DNAJC16: variants seen among roughly 807,000 people sequenced by gnomAD.
The protein encoded by DNAJC16 is DnaJ heat shock protein family (Hsp40) member C16.
DNAJC16 carries 76 observed loss-of-function variants against 92.7 expected under a neutral mutation model. The observed-to-expected ratio is 0.82, with a 90% CI of 0.68 to 0.99. The LOEUF is 0.99. Ranked by LOEUF, DNAJC16 falls within the 50% of genes least tolerant of loss-of-function variation. DNAJC16 has a pLI of 0.00. For synonymous variants in DNAJC16, 328 were observed against 358.7 expected, an observed-to-expected ratio of 0.91 and a Z score of 0.97; for missense variants, 869 against 942.4, an observed-to-expected ratio of 0.92 and a Z score of 1.02.
At chr1:15,548,210 A>T in intron 6 of DNAJC16, 60 bp from the exon 7 acceptor site, 1 of 1,566,952 alleles carries the variant, frequency 6.4e-7, no homozygotes, top group Non-Finnish European at 8.7e-7. Context: ...GCCCTACTTG[A>T]TTTGTCATTT....
intron 3 of DNAJC16, among the ~76,000 whole-genome samples, chr1:15,535,339 C>A (rs771417756): frequency 8.6e-4 from 131 of 152,322 alleles, no homozygotes; most frequent in Non-Finnish European, 1.4e-3. Flanking sequence ...AGTTTGAAAT[C>A]TTTAATGCCA....
At position 15,569,012 on chromosome 1, in the gene DNAJC16, G is replaced by A. The variant is rs185473068; in HGVS notation, c.*835G>A. The A allele has an allele frequency of 0.013, 3,322 of 264,718 alleles. 21 individuals are homozygous for A. Among genetic ancestry groups the A allele is most frequent in the Non-Finnish European group, 0.018 (2,554 of 141,172 alleles). The allele number at this position is 264,718 out of a possible 1,614,324, so 16.4% of individuals were successfully genotyped here. A position where few individuals can be genotyped will look rare whatever the true frequency, so the allele number is the denominator to read the frequency against. ...CCTTTCTGCCTCTGTCGATTTTAGG[G>A]TATGGATATTAGGAGCCATAACTTG... On this transcript the variant is annotated 3_prime_UTR_variant, in exon 15 of 15. Transcript: ENST00000375847.
rs1167360277 is a variant in DNAJC16, at chr1:15,526,915, CTG to C, written c.-61_-60del. ...GGAAGCTCCCGGCCCGGCGAACTAA[CTG>C]GAGCACGGAGCTGCAGCCGGTTGGG... On this transcript the variant is annotated 5_prime_UTR_variant, in exon 1 of 15. Transcript: ENST00000375847. 1 of 152,402 alleles carries C rather than the reference CTG, an allele frequency of 6.6e-6. No individual in the cohort carries two copies. Among genetic ancestry groups the C allele is most frequent in the East Asian group, 1.9e-4 (1 of 5,210 alleles). The allele number at this position is 152,402 out of a possible 1,614,324, so 9.4% of individuals were successfully genotyped here.
intron 1 of DNAJC16, 50 bp from the exon 2 acceptor site, chr1:15,529,038 A>ACTG (rs1225635199): frequency 6.5e-7 from 1 of 1,541,436 alleles, no homozygotes; most frequent in Non-Finnish European, 8.9e-7. Context: ...AAAAAGCAAG[A>ACTG]CTGTCCAGGT....
intron 2 of DNAJC16, among the ~76,000 whole-genome samples, 169 bp downstream of exon 2, chr1:15,529,441 C>T (rs754756111): frequency 6.6e-5 from 10 of 152,006 alleles, no homozygotes; most frequent in Non-Finnish European, 8.8e-5. Context: ...TAATTGTTAG[C>T]GATAAGATCC....
chr1:15,558,374 A>G (rs907343837), intron 7 of DNAJC16, among the ~76,000 whole-genome samples: 13 of 151,232 alleles, frequency 8.6e-5, no homozygotes, highest in Middle Eastern at 3.2e-3. Context: ...TTTAGTAGAG[A>G]CAAGATCTCA....
intron 4 of DNAJC16, among the ~76,000 whole-genome samples, chr1:15,537,766 A>T (rs945271907): frequency 2.0e-5 from 3 of 152,200 alleles, no homozygotes; most frequent in African/African-American, 7.2e-5. Flanking sequence ...CAGGTGAGGG[A>T]ACTAAGGCAT....
intron 6 of DNAJC16, among the ~76,000 whole-genome samples, chr1:15,547,207 C>A (rs1270494755): frequency 1.4e-5 from 2 of 145,930 alleles, no homozygotes; most frequent in African/African-American, 5.1e-5. Flanking sequence ...TGCAGTGGCG[C>A]GATCTCCTCG....
At chr1:15,553,911 G>A (rs536727417) in intron 7 of DNAJC16, among the ~76,000 whole-genome samples, 1 of 152,044 alleles carries the variant, frequency 6.6e-6, no homozygotes, top group East Asian at 1.9e-4. Flanking sequence ...TCTTGTTGTT[G>A]AAAATTGCAT....
At chr1:15,549,932 G>A (rs1638404888) in intron 7 of DNAJC16, among the ~76,000 whole-genome samples, 1 of 151,804 alleles carries the variant, frequency 6.6e-6, no homozygotes, top group Admixed American at 6.6e-5. Context: ...TTAATCTCTT[G>A]CTGTGCCTAA....
rs1429961536 is a variant in DNAJC16, at chr1:15,563,679, A to T, written c.1339-250A>T. On this transcript the variant is annotated intron_variant, in intron 9 of 14. Transcript: ENST00000375847. ...CATCTCTACTAAAAAAAAAAAAAAAAAAAAAAAAAAATACCAAAAATTAGC... is the reference window on the plus strand; with the variant it reads ...CATCTCTACTAAAAAAAAAAAAAAATAAAAAAAAAAATACCAAAAATTAGC... Among the ~76,000 whole-genome samples the T allele has an allele frequency of 3.5e-4, 53 of 149,844 alleles. 2 individuals are homozygous for T. Among genetic ancestry groups the T allele is most frequent in the African/African-American group, 1.3e-3 (52 of 40,800 alleles).
chr1:15,552,831 G>A (rs1638478790), intron 7 of DNAJC16, among the ~76,000 whole-genome samples: 1 of 149,466 alleles, frequency 6.7e-6, no homozygotes, highest in Non-Finnish European at 1.5e-5. Flanking sequence ...GCAGTGGTGA[G>A]ATCTCGACTC....
rs969858659 is a variant in DNAJC16 at position 15,551,902 on chromosome 1, G to A, written c.1023+3474G>A. Among the ~76,000 whole-genome samples the A allele has an allele frequency of 2.0e-5, 3 of 151,892 alleles. No individual in the cohort carries two copies. In the East Asian group the frequency reaches 5.8e-4, roughly 29 times the overall value. ...ACAAAAAAGCCGGGTGTGGTGGCAT[G>A]CACCTGTAATCCCAGCTACCCGGGA... On this transcript the variant is annotated intron_variant, in intron 7 of 14. Coordinates refer to ENST00000375847, the MANE Select transcript of DNAJC16 (RefSeq NM_015291.4).
At position 15,562,143 on chromosome 1, in the gene DNAJC16, T is replaced by G. The variant is rs771959551; in HGVS notation, c.1156T>G (p.Tyr386Asp). The part of the protein sequence containing the change: ...PVKRSHRQRK[Y>D]CVVLLTAETT... ...AAGTTTTGTCTTTTTGTTGTGCAGG[T>G]ACTGTGTGGTTTTATTGACTGCTGA... The change falls in exon 9 of 15, where the codon TAC becomes GAC. Residue 386 changes from tyrosine (Y) to aspartate (D), a missense_variant and splice_region_variant. Transcript: ENST00000375847. 5 of 1,613,456 alleles carry G rather than the reference T, an allele frequency of 3.1e-6. No homozygotes were observed. Among genetic ancestry groups the G allele is most frequent in the Non-Finnish European group, 4.2e-6 (5 of 1,179,526 alleles).
Position 15,564,309 on chromosome 1 carries a change from T to C in DNAJC16, c.1548T>C (p.Ser516=). Residue 516 remains serine (S), a synonymous_variant, in exon 11 of 15, where the codon TCT becomes TCC. Transcript: ENST00000375847. ...APVFLLRWFY[S]ASDYISDCWD... is the part of the protein sequence containing the mutation. The stretch of plus-strand genomic sequence containing the variant: ...TTTTTCTCCTTCGATGGTTCTACTC[T>C]GCTTCTGACTACATCTCAGACTGCT... 1 of 1,610,992 alleles carries C rather than the reference T, an allele frequency of 6.2e-7. No individual in the cohort carries two copies. Among genetic ancestry groups the C allele is most frequent in the Non-Finnish European group, 8.5e-7 (1 of 1,177,052 alleles).
intron 2 of DNAJC16, among the ~76,000 whole-genome samples, chr1:15,532,062 T>G (rs4661641): frequency 6.6e-6 from 1 of 152,024 alleles, no homozygotes; most frequent in African/African-American, 2.4e-5. Flanking sequence ...AACTATGTTT[T>G]TCTCCCAATA....
At chr1:15,547,828 G>A (rs1397104880) in intron 6 of DNAJC16, among the ~76,000 whole-genome samples, 2 of 152,040 alleles carry the variant, frequency 1.3e-5, no homozygotes, top group African/African-American at 2.4e-5. Flanking sequence ...TGGTGAGCGC[G>A]ATTCCCACTG....
At chr1:15,563,180 T>C (rs192320217) in intron 9 of DNAJC16, among the ~76,000 whole-genome samples, 11 of 152,150 alleles carry the variant, frequency 7.2e-5, no homozygotes, top group African/African-American at 2.4e-4. Flanking sequence ...GAGCAAAGTC[T>C]ATTGAGAAAA....
intron 4 of DNAJC16, among the ~76,000 whole-genome samples, chr1:15,537,479 A>G (rs945298233): frequency 6.6e-6 from 1 of 152,212 alleles, no homozygotes; most frequent in African/African-American, 2.4e-5. Context: ...ATTTGCAAGC[A>G]CAGAATAATG....
Sources: gnomAD v4.1 joint callset for allele counts (sites outside exome capture counted in the v4.1 genomes callset) on GRCh38, gnomAD v4.1.1 for gene constraint, MANE v1.5 for transcripts, NCBI Gene and HGNC (gene_info 2026-07-23, HGNC 2026-07-21) for gene names.